PRKCE: variants seen among roughly 807,000 people sequenced by gnomAD.
PRKCE encodes protein kinase C epsilon, also known as protein kinase C epsilon type.
A neutral mutation model predicts 85.4 loss-of-function variants in PRKCE; 16 were observed. The ratio of observed to expected loss-of-function variants is 0.19; its 90% confidence interval spans 0.13 to 0.28. The LOEUF is 0.28. Ranked by LOEUF, PRKCE falls within the 10% of genes least tolerant of loss-of-function variation. The pLI is 1.00. For synonymous variants in PRKCE, 388 were observed against 371.5 expected (o/e 1.04, Z -0.51); for missense variants, 573 against 975.2 (o/e 0.59, Z 5.49).
chr2:45,982,733 G>C (rs1208141937), intron 5 of PRKCE, among the ~76,000 whole-genome samples: 1 of 152,182 alleles, frequency 6.6e-6, no homozygotes, highest in Non-Finnish European at 1.5e-5. Flanking sequence ...GCATGCTCTT[G>C]TGTGGACTCC....
intron 1 of PRKCE, among the ~76,000 whole-genome samples, chr2:45,716,687 AAGAGAAGGAAGGAAGGAAGGAAG>A (rs1432708732): frequency 1.5e-4 from 11 of 71,084 alleles, no homozygotes; most frequent in Middle Eastern, 0.012. Context: ...GAAGAAGAAG[AAGAGAAGGAAGGAAGGAAGGAAG>A]GAAGGAAGGA....
intron 1 of PRKCE, among the ~76,000 whole-genome samples, chr2:45,683,637 A>T (rs887184111): frequency 6.6e-6 from 1 of 152,216 alleles, no homozygotes; most frequent in Non-Finnish European, 1.5e-5. Flanking sequence ...GCTGGGGGGA[A>T]ATGCTTTGCG....
At chr2:45,743,406 G>C (rs1682747140) in intron 1 of PRKCE, among the ~76,000 whole-genome samples, 1 of 152,086 alleles carries the variant, frequency 6.6e-6, no homozygotes, top group Non-Finnish European at 1.5e-5. Context: ...CCTCAATAAA[G>C]TTGAAGAAAA....
chr2:45,872,389 G>C (rs1383805140), intron 2 of PRKCE, among the ~76,000 whole-genome samples: 1 of 152,186 alleles, frequency 6.6e-6, no homozygotes, highest in Admixed American at 6.5e-5. Flanking sequence ...CTCATGCAGG[G>C]CTTTGCAGAT....
intron 1 of PRKCE, among the ~76,000 whole-genome samples, chr2:45,661,534 T>TG (rs1248513821): frequency 6.7e-5 from 9 of 134,438 alleles, no homozygotes; most frequent in African/African-American, 2.1e-4. Flanking sequence ...TTTTTTGTTT[T>TG]TTTTTTTTTT....
At chr2:45,883,567 G>A (rs1183419941) in intron 2 of PRKCE, among the ~76,000 whole-genome samples, 3 of 152,282 alleles carry the variant, frequency 2.0e-5, no homozygotes, top group African/African-American at 7.2e-5. Context: ...CATCTGTGTG[G>A]GTTTTGCCTT....
At chr2:46,098,381 A>G (rs992770182) in intron 11 of PRKCE, among the ~76,000 whole-genome samples, 4 of 152,264 alleles carry the variant, frequency 2.6e-5, no homozygotes, top group Non-Finnish European at 5.9e-5. Flanking sequence ...CAAGTAAAGC[A>G]GTAACAACTG....
intron 2 of PRKCE, among the ~76,000 whole-genome samples, chr2:45,930,589 T>C (rs1698967867): frequency 6.6e-6 from 1 of 152,230 alleles, no homozygotes; most frequent in Admixed American, 6.5e-5. Context: ...CCTTTGTCTG[T>C]GGAGGGCATG....
intron 2 of PRKCE, among the ~76,000 whole-genome samples, chr2:45,917,005 G>A (rs975619832): frequency 2.6e-5 from 4 of 152,118 alleles, no homozygotes; most frequent in African/African-American, 9.7e-5. Context: ...AGGATTTATT[G>A]CAAAGAGTGA....
At chr2:45,867,151 C>G (rs763110254) in intron 2 of PRKCE, among the ~76,000 whole-genome samples, 1 of 152,140 alleles carries the variant, frequency 6.6e-6, no homozygotes, top group Non-Finnish European at 1.5e-5. Flanking sequence ...CTGCTTGCCT[C>G]TCAGACGTGT....
chr2:45,762,669 A>C (rs1163815388), intron 1 of PRKCE, among the ~76,000 whole-genome samples: 1 of 152,232 alleles, frequency 6.6e-6, no homozygotes, highest in Non-Finnish European at 1.5e-5. Context: ...TTGCATGGAT[A>C]GCTTCATTTC....
chr2:45,812,060 G>A (rs1008062848), intron 1 of PRKCE, among the ~76,000 whole-genome samples: 3 of 152,246 alleles, frequency 2.0e-5, no homozygotes, highest in East Asian at 1.9e-4. Flanking sequence ...CAAGAGTTAA[G>A]AAACCTGGGT....
intron 6 of PRKCE, among the ~76,000 whole-genome samples, chr2:45,992,659 A>G (rs1251030761): frequency 2.6e-5 from 4 of 152,224 alleles, no homozygotes; most frequent in African/African-American, 4.8e-5. Flanking sequence ...TGCAGCATAC[A>G]TGGGCCTGGG....
intron 13 of PRKCE, among the ~76,000 whole-genome samples, chr2:46,154,216 C>A (rs574795007): frequency 6.6e-6 from 1 of 152,038 alleles, no homozygotes; most frequent in African/African-American, 2.4e-5. Flanking sequence ...CTGGGGAGAG[C>A]GTGGTCTGGA....
chr2:46,152,884 A>C (rs1676786293), intron 13 of PRKCE, among the ~76,000 whole-genome samples: 3 of 152,206 alleles, frequency 2.0e-5, no homozygotes, highest in Admixed American at 2.0e-4. Context: ...TGAAAGATCT[A>C]AAACCATTTT....
intron 11 of PRKCE, among the ~76,000 whole-genome samples, chr2:46,106,245 C>T (rs1043071370): frequency 2.6e-5 from 4 of 152,116 alleles, no homozygotes; most frequent in African/African-American, 4.8e-5. Context: ...GAGCTCACAC[C>T]GATGTCTAAT....
chr2:46,016,943 G>A (rs1196554755), intron 10 of PRKCE, among the ~76,000 whole-genome samples: 3 of 148,206 alleles, frequency 2.0e-5, no homozygotes, highest in African/African-American at 7.4e-5. Flanking sequence ...AAAAAGCCCT[G>A]ACTTAGATCA....
chr2:45,989,809 A>G (rs1167716522), intron 6 of PRKCE, among the ~76,000 whole-genome samples: 1 of 152,220 alleles, frequency 6.6e-6, no homozygotes, highest in Non-Finnish European at 1.5e-5. Flanking sequence ...AAAGAGCACA[A>G]TACATAAATA....
intron 1 of PRKCE, among the ~76,000 whole-genome samples, chr2:45,763,557 T>G (rs1333823493): frequency 6.6e-6 from 1 of 152,106 alleles, no homozygotes; most frequent in Non-Finnish European, 1.5e-5. Flanking sequence ...CCTCATTGAT[T>G]TTCCCTCTTC....
Sources: gnomAD v4.1 joint callset for allele counts (sites outside exome capture counted in the v4.1 genomes callset) on GRCh38, gnomAD v4.1.1 for gene constraint, MANE v1.5 for transcripts, NCBI Gene and HGNC (gene_info 2026-07-23, HGNC 2026-07-21) for gene names.